The following ZFPM2 variants were observed in gnomAD, a reference collection of about 807,000 sequenced individuals.
ZFPM2 encodes zinc finger protein ZFPM2.
A neutral mutation model predicts 98.6 loss-of-function variants in ZFPM2; 20 were observed. The ratio of observed to expected loss-of-function variants is 0.20; its 90% CI spans 0.14 to 0.29. ZFPM2 has a LOEUF of 0.29. ZFPM2 is among the 10% of genes least tolerant of loss of function. The pLI is 1.00. For missense variants in ZFPM2, 1,310 were observed against 1,388.6 expected (o/e 0.94, Z 0.90); for synonymous variants, 518 against 502.7 (o/e 1.03, Z -0.41).
Position 105,561,388 on chromosome 8 carries a change from T to C in ZFPM2, c.327T>C (p.Asp109=). Residue 109 remains aspartate, a synonymous_variant, in exon 4 of 8, where the codon GAT becomes GAC. Coordinates refer to ENST00000407775, the MANE Select transcript of ZFPM2 (RefSeq NM_012082.4). ...GPGELEVFQK[D]GERKIQSRQQ... ...GAGAGCTGGAGGTGTTTCAGAAAGA[T>C]GGGGAACGAAAAATTCAGAGTCGAC... 2 of 1,613,482 alleles carry C rather than the reference T, an allele frequency of 1.2e-6. No individual in the cohort carries two copies. The highest frequency in any genetic ancestry group is 1.7e-4 in the Middle Eastern group (1 of 6,056).
chr8:105,458,232 A>T (rs1029665504), intron 3 of ZFPM2, among the ~76,000 whole-genome samples: 26 of 152,216 alleles, frequency 1.7e-4, no homozygotes, highest in African/African-American at 4.8e-4. Flanking sequence ...TCAAATTTTT[A>T]AAAATTTAAT....
intron 5 of ZFPM2, among the ~76,000 whole-genome samples, chr8:105,647,410 G>A (rs758179848): frequency 5.9e-5 from 9 of 151,626 alleles, no homozygotes; most frequent in African/African-American, 9.7e-5. Flanking sequence ...TAAGTTCGAG[G>A]GTACATATGC....
In ZFPM2 at chr8:105,320,256, TTGTGTGTGTGTGTGTGTGTG is replaced by T. The variant is rs71305141; in HGVS notation, c.40+1299_40+1318del. 9.8e-5 allele frequency among the ~76,000 whole-genome samples: 14 copies of T among 142,262 alleles called. No individual in the cohort carries two copies. In the Admixed American group the frequency reaches 9.8e-4, roughly 10 times the overall value. The allele number at this position is 142,262 out of a possible 152,430, so 93.3% of individuals were successfully genotyped here. A position where few individuals can be genotyped will look rare whatever the true frequency, so the allele number is the denominator to read the frequency against. ...TATCAACAGTTAAGTATTCAGATCT[TTGTGTGTGTGTGTGTGTGTG>T]TGTGTGTGTGTGTGTGTGTGTGTCT... On this transcript the variant is annotated intron_variant, in intron 1 of 7. Transcript: ENST00000407775.
intron 3 of ZFPM2, among the ~76,000 whole-genome samples, chr8:105,459,629 G>T (rs1812666471): frequency 6.6e-6 from 1 of 152,246 alleles, no homozygotes; most frequent in Middle Eastern, 3.4e-3. Context: ...TCTCTTCCTA[G>T]CTTCCAGATG....
At chr8:105,519,042 A>C (rs867606815) in intron 3 of ZFPM2, among the ~76,000 whole-genome samples, 1 of 152,230 alleles carries the variant, frequency 6.6e-6, no homozygotes, top group Non-Finnish European at 1.5e-5. Flanking sequence ...ACACCATTCT[A>C]CAGAAATAGC....
chr8:105,751,712 A>G (rs1482997345), intron 5 of ZFPM2, among the ~76,000 whole-genome samples: 1 of 151,732 alleles, frequency 6.6e-6, no homozygotes, highest in Non-Finnish European at 1.5e-5. Flanking sequence ...GCAAAAAAGG[A>G]GTTTATGAGC....
chr8:105,764,731 G>A (rs1812820520), intron 5 of ZFPM2, among the ~76,000 whole-genome samples: 1 of 151,320 alleles, frequency 6.6e-6, no homozygotes, highest in Non-Finnish European at 1.5e-5. Context: ...GCGATTTCAG[G>A]GTAATTTTAT....
intron 4 of ZFPM2, among the ~76,000 whole-genome samples, chr8:105,568,005 A>T (rs761560607): frequency 7.2e-5 from 11 of 151,890 alleles, no homozygotes; most frequent in Non-Finnish European, 1.0e-4. Context: ...CCTATTTCTC[A>T]TATCTCTCTG....
chr8:105,373,266 T>G (rs1810659421), intron 1 of ZFPM2, among the ~76,000 whole-genome samples: 1 of 152,234 alleles, frequency 6.6e-6, no homozygotes, highest in African/African-American at 2.4e-5. Flanking sequence ...AACCATTCAC[T>G]GAACCTTCAT....
At chr8:105,362,850 G>A (rs1299456170) in intron 1 of ZFPM2, among the ~76,000 whole-genome samples, 1 of 152,142 alleles carries the variant, frequency 6.6e-6, no homozygotes, top group Non-Finnish European at 1.5e-5. Context: ...GAAATCAGAA[G>A]AGTCACACAT....
At chr8:105,389,756 G>T (rs1811072436) in intron 1 of ZFPM2, among the ~76,000 whole-genome samples, 1 of 152,184 alleles carries the variant, frequency 6.6e-6, no homozygotes, top group Non-Finnish European at 1.5e-5. Flanking sequence ...GAAAGCTTGA[G>T]ACAAGGTAAG....
intron 4 of ZFPM2, among the ~76,000 whole-genome samples, chr8:105,630,458 A>G (rs944882794): frequency 2.0e-5 from 3 of 152,092 alleles, no homozygotes; most frequent in African/African-American, 7.2e-5. Context: ...GAGATTTTTT[A>G]TCTACTTATT....
intron 3 of ZFPM2, among the ~76,000 whole-genome samples, chr8:105,474,029 AC>A (rs1812962130): frequency 6.6e-6 from 1 of 152,154 alleles, no homozygotes; most frequent in Non-Finnish European, 1.5e-5. Flanking sequence ...CAGTTTTACT[AC>A]TGTGGTGGTT....
intron 3 of ZFPM2, among the ~76,000 whole-genome samples, chr8:105,445,878 G>A (rs1461897499): frequency 6.6e-6 from 1 of 151,168 alleles, no homozygotes; most frequent in Non-Finnish European, 1.5e-5. Flanking sequence ...GGAATTACAG[G>A]CATGAGCCAC....
chr8:105,785,964 A>C (rs7820813), intron 5 of ZFPM2, among the ~76,000 whole-genome samples: 25,007 of 146,752 alleles, frequency 0.17, 3,664 homozygotes, highest in African/African-American at 0.4. Context: ...ATGGCATGAA[A>C]CCCAGAGGCA....
At chr8:105,559,469 TAAAG>T (rs925522543) in intron 3 of ZFPM2, among the ~76,000 whole-genome samples, 2 of 152,116 alleles carry the variant, frequency 1.3e-5, no homozygotes, top group African/African-American at 4.8e-5. Context: ...TTTCAAGTGG[TAAAG>T]AAAGAGTATG....
At chr8:105,642,476 C>T (rs1563754751) in intron 5 of ZFPM2, among the ~76,000 whole-genome samples, 1 of 152,066 alleles carries the variant, frequency 6.6e-6, no homozygotes, top group Admixed American at 6.6e-5. Context: ...CATTCTTACT[C>T]TTCTTTTTAC....
chr8:105,744,338 G>A (rs1372932430), intron 5 of ZFPM2, among the ~76,000 whole-genome samples: 5 of 152,044 alleles, frequency 3.3e-5, no homozygotes, highest in Non-Finnish European at 4.4e-5. Flanking sequence ...CATATTCCCA[G>A]GATTAGGAAC....
chr8:105,338,372 T>G (rs1267160701), intron 1 of ZFPM2, among the ~76,000 whole-genome samples: 2 of 151,832 alleles, frequency 1.3e-5, no homozygotes, highest in Non-Finnish European at 2.9e-5. Context: ...ATGAACAATA[T>G]CAGTAGAAAC....
Sources: gnomAD v4.1 joint callset for allele counts (sites outside exome capture counted in the v4.1 genomes callset) on GRCh38, gnomAD v4.1.1 for gene constraint, MANE v1.5 for transcripts, NCBI Gene and HGNC (gene_info 2026-07-23, HGNC 2026-07-21) for gene names.